UBXN2A: variants seen among roughly 807,000 people sequenced by gnomAD.
The protein encoded by UBXN2A is UBX domain protein 2A.
In UBXN2A, 28 loss-of-function variants were observed where a neutral mutation model predicts 28.4. The ratio of observed to expected loss-of-function variants is 0.99; its 90% CI spans 0.73 to 1.35. The LOEUF (loss-of-function observed/expected upper bound fraction) is 1.35, where lower values mean the gene tolerates loss of function less well. Among genes scored for constraint, UBXN2A ranks in the 40% most tolerant of loss-of-function variants. UBXN2A has a pLI of 0.00. For missense variants in UBXN2A, 253 were observed against 297.9 expected, an observed-to-expected ratio of 0.85 and a Z score of 1.11; for synonymous variants, 97 against 103.6, an observed-to-expected ratio of 0.94 and a Z score of 0.39.
At chr2:23,985,435 G>C (rs551497764) in intron 6 of UBXN2A, among the ~76,000 whole-genome samples, 1 of 152,102 alleles carries the variant, frequency 6.6e-6, no homozygotes, top group South Asian at 2.1e-4. Flanking sequence ...TTTTAGTAGA[G>C]ACGGGGTTTC....
chr2:23,996,213 C>T (rs973045020), intron 6 of UBXN2A, among the ~76,000 whole-genome samples: 9 of 151,318 alleles, frequency 5.9e-5, no homozygotes, highest in African/African-American at 7.3e-5. Flanking sequence ...ACTACAGGCG[C>T]GTGCCACCAT....
At chr2:23,955,874 C>A (rs183041422) in intron 1 of UBXN2A, among the ~76,000 whole-genome samples, 54 of 152,246 alleles carry the variant, frequency 3.5e-4, no homozygotes, top group Middle Eastern at 3.4e-3. Flanking sequence ...ATGATAATGC[C>A]ACATTACTGT....
chr2:23,942,075 A>G (rs1705788135), intron 1 of UBXN2A, among the ~76,000 whole-genome samples: 1 of 152,112 alleles, frequency 6.6e-6, no homozygotes. Context: ...GCGGGACTCC[A>G]TCTCAAAAAG....
chr2:23,941,865 C>G (rs10169690), intron 1 of UBXN2A, among the ~76,000 whole-genome samples: 111,254 of 151,998 alleles, frequency 0.73, 41,153 homozygotes, highest in East Asian at 0.85. Context: ...CTGAGGTCAG[C>G]AGTTCTAGAC....
chr2:23,940,442 G>A (rs1198321681), upstream of UBXN2A: 1 of 151,010 alleles, frequency 6.6e-6, no homozygotes, highest in African/African-American at 2.4e-5. Context: ...TCGGGTCTGC[G>A]CGGAGCCGGC....
chr2:23,946,333 G>T lies in UBXN2A; in HGVS notation c.-15+5685G>T, dbSNP rs1281373486. 1.1e-4 allele frequency among the ~76,000 whole-genome samples: 16 copies of T among 143,276 alleles called. No homozygotes were observed. The South Asian group carries it at 1.6e-3, about 14-fold the overall frequency. The allele number at this position is 143,276 out of a possible 152,430, so 94.0% of individuals were successfully genotyped here. A position where few individuals can be genotyped will look rare whatever the true frequency, so the allele number is the denominator to read the frequency against. On this transcript the variant is annotated intron_variant, in intron 1 of 6. Transcript: ENST00000309033. The stretch of plus-strand genomic sequence containing the variant: ...CATGCCTGGCTAATTTTTGTTTTTT[G>T]TTGTTTTTTTTTTTTACTCACTCTG...
intron 1 of UBXN2A, chr2:23,944,482 C>T (rs1261462568): frequency 9.2e-6 from 6 of 651,970 alleles, no homozygotes; most frequent in Non-Finnish European, 1.4e-5. Context: ...TTCAGATCCC[C>T]TTGGAACAGT....
chr2:23,974,032 T>TTTC (rs776262620), intron 3 of UBXN2A, among the ~76,000 whole-genome samples: 1,534 of 151,348 alleles, frequency 0.01, 14 homozygotes, highest in Middle Eastern at 0.034. Flanking sequence ...TTTTTTTTTT[T>TTTC]GAGACGGAGT....
chr2:23,930,063 TA>T, intron 1 of UBXN2A, among the ~76,000 whole-genome samples: 1 of 152,156 alleles, frequency 6.6e-6, no homozygotes, highest in Admixed American at 6.5e-5. Flanking sequence ...TAATTTTTTG[TA>T]GTTTTAGTAG....
chr2:23,980,489 G>A (rs1172961792), intron 4 of UBXN2A, among the ~76,000 whole-genome samples: 1 of 152,062 alleles, frequency 6.6e-6, no homozygotes, highest in Non-Finnish European at 1.5e-5. Context: ...GGTTGTAAAG[G>A]GGTATGTCAT....
At chr2:23,990,705 T>G (rs993055111) in intron 6 of UBXN2A, among the ~76,000 whole-genome samples, 3 of 144,754 alleles carry the variant, frequency 2.1e-5, no homozygotes, top group Admixed American at 7.1e-5. Context: ...ACCCAGGAGG[T>G]GGAGGTTGCA....
At chr2:23,933,336 A>G (rs1030555753) in intron 1 of UBXN2A, among the ~76,000 whole-genome samples, 2 of 151,496 alleles carry the variant, frequency 1.3e-5, no homozygotes, top group Admixed American at 1.3e-4. Flanking sequence ...GAGAAACCCC[A>G]TCTCTACTAA....
intron 1 of UBXN2A, among the ~76,000 whole-genome samples, chr2:23,932,857 G>A (rs1221519183): frequency 6.6e-6 from 1 of 152,130 alleles, no homozygotes; most frequent in Non-Finnish European, 1.5e-5. Flanking sequence ...TGTAATCCCA[G>A]ACTTGGGGAG....
chr2:23,993,639 T>C (rs1005411202), intron 6 of UBXN2A, among the ~76,000 whole-genome samples: 1 of 152,106 alleles, frequency 6.6e-6, no homozygotes, highest in African/African-American at 2.4e-5. Flanking sequence ...CAGTTTGATG[T>C]TTTAGCCTGA....
chr2:23,971,069 A>T (rs1707393217), intron 2 of UBXN2A, among the ~76,000 whole-genome samples: 2 of 152,190 alleles, frequency 1.3e-5, no homozygotes, highest in South Asian at 4.1e-4. Context: ...ATTCATTTCT[A>T]AATGTTAGTA....
intron 4 of UBXN2A, 48 bp downstream of exon 4, chr2:23,977,123 G>A (rs373117928): frequency 6.8e-7 from 1 of 1,476,568 alleles, no homozygotes; most frequent in Non-Finnish European, 9.4e-7. Flanking sequence ...CAAAACTTTG[G>A]CAGGCTGTGG....
chr2:23,993,674 A>G (rs1029794593), intron 6 of UBXN2A, among the ~76,000 whole-genome samples: 1 of 148,402 alleles, frequency 6.7e-6, no homozygotes, highest in Non-Finnish European at 1.5e-5. Flanking sequence ...TATCTCTTAA[A>G]TTTTTTTAAT....
rs552551863 is a variant in UBXN2A at position 23,960,749 on chromosome 2, C to T, written c.41+2394C>T. On this transcript the variant is annotated intron_variant, in intron 2 of 6. Transcript: ENST00000309033. ...CCAGGTTCAAGCAATTCCCCTGCCT[C>T]AGCCTCCCGAGTGGCTGAGATTACA... Among the ~76,000 whole-genome samples, 128 of 152,230 alleles carry T rather than the reference C, an allele frequency of 8.4e-4. 3 individuals are homozygous for T. In the South Asian group the frequency reaches 0.026, roughly 31 times the overall value.
At chr2:23,972,831 A>G (rs542573126) in intron 3 of UBXN2A, among the ~76,000 whole-genome samples, 1 of 152,180 alleles carries the variant, frequency 6.6e-6, no homozygotes, top group South Asian at 2.1e-4. Flanking sequence ...CAAAATAAAT[A>G]AATAAATTAA....
Sources: gnomAD v4.1 joint callset for allele counts (sites outside exome capture counted in the v4.1 genomes callset) on GRCh38, gnomAD v4.1.1 for gene constraint, MANE v1.5 for transcripts, NCBI Gene and HGNC (gene_info 2026-07-23, HGNC 2026-07-21) for gene names.